RPS20: variants seen among roughly 807,000 people sequenced by gnomAD.
The protein encoded by RPS20 is ribosomal protein S20.
A neutral mutation model predicts 15.3 loss-of-function variants in RPS20; 3 were observed. The ratio of observed to expected loss-of-function variants is 0.20; its 90% CI spans 0.09 to 0.51. The LOEUF is 0.51. Ranked by LOEUF, RPS20 falls within the 20% of genes least tolerant of loss-of-function variation. The probability of loss-of-function intolerance (pLI) is 0.96; values close to 1 mark genes in which losing one functional copy is unlikely to be tolerated. For missense variants in RPS20, 67 were observed against 145.9 expected, an observed-to-expected ratio of 0.46 and a Z score of 2.79; for synonymous variants, 62 against 47.8, an observed-to-expected ratio of 1.30 and a Z score of -1.23.
downstream of RPS20, chr8:56,072,891 T>C (rs1809803723): frequency 1.3e-5 from 17 of 1,324,960 alleles, no homozygotes; most frequent in East Asian, 5.9e-5. Context: ...GTCTCACATA[T>C]TATGTAGTTA....
chr8:56,067,642 C>CT (rs1809648425), exon 6 of RPS20: 1 of 150,604 alleles, frequency 6.6e-6, no homozygotes, highest in Non-Finnish European at 1.5e-5. Context: ...GCCGAGATCG[C>CT]GCCACTGCAC....
chr8:56,068,805 A>ATTTTTTTTTTTTTTT (rs1320901753), downstream of RPS20, among the ~76,000 whole-genome samples: 1 of 41,530 alleles, frequency 2.4e-5, no homozygotes, highest in Non-Finnish European at 5.1e-5. Flanking sequence ...TGGTGAAAAT[A>ATTTTTTTTTTTTTTT]TCTTTTTTTT....
In RPS20 at chr8:56,073,786, C is replaced by CCTCTCA; in HGVS notation, c.104-24_104-19dup. ...AGCACACACTACAGGAAATAAAAGA[C>CCTCTCA]CTCTCAGTATAATCGAAACAATTAA... is the stretch of plus-strand genomic sequence containing the variant. On this transcript the variant is annotated intron_variant, in intron 2 of 3. Coordinates refer to ENST00000009589, the MANE Select transcript of RPS20 (RefSeq NM_001023.4). The CCTCTCA allele has an allele frequency of 6.2e-7, 1 of 1,609,874 alleles. No individual in the cohort carries two copies. Among genetic ancestry groups the CCTCTCA allele is most frequent in the South Asian group, 1.1e-5 (1 of 91,000 alleles).
Position 56,074,486 on chromosome 8 carries a change from G to A in RPS20, c.-103C>T, listed in dbSNP as rs147031407. The A allele has an allele frequency of 3.0e-4, 383 of 1,292,160 alleles. 3 individuals carry two copies. The East Asian group carries it at 9.3e-3, about 31-fold the overall frequency. 80.0% of individuals were successfully genotyped at this position (1,292,160 alleles called of 1,614,324 possible). On this transcript the variant is annotated 5_prime_UTR_variant, in exon 1 of 4. Transcript: ENST00000009589. ...CGGACCAAAAATCCTCAGCCCTTAC[G>A]ACCGCGTCTTCCTCAAAAAGAAAGG...
At chr8:56,070,394 T>A (rs556538993), downstream of RPS20, among the ~76,000 whole-genome samples, 1 of 152,226 alleles carries the variant, frequency 6.6e-6, no homozygotes, top group Admixed American at 6.5e-5. Context: ...CTGTTCATTT[T>A]ACATCCACAG....
chr8:56,073,034 T>C, downstream of RPS20: 3 of 1,571,194 alleles, frequency 1.9e-6, no homozygotes, highest in Non-Finnish European at 2.6e-6. Flanking sequence ...GCCAGTATTC[T>C]GAATAAAAAC....
rs1809837635 is a variant in RPS20, at chr8:56,073,746, G to A, written c.126C>T (p.Gly42=). 1 of 1,613,846 alleles carries A rather than the reference G, an allele frequency of 6.2e-7. No individual in the cohort carries two copies. The highest frequency in any genetic ancestry group is 8.5e-7 in the Non-Finnish European group (1 of 1,179,876). ...LEKVCADLIR[G]AKEKNLKVKG... The stretch of plus-strand genomic sequence containing the variant: ...TCACTTTGAGATTCTTTTCTTTTGC[G>A]CCTCTTATCAAGTCAGCACACACTA... The change falls in exon 3 of 4, where the codon GGC becomes GGT. Residue 42 remains glycine (G), a synonymous_variant. Coordinates refer to ENST00000009589, the MANE Select transcript of RPS20 (RefSeq NM_001023.4).
downstream of RPS20, among the ~76,000 whole-genome samples, chr8:56,071,874 T>C (rs1809769754): frequency 6.6e-6 from 1 of 152,232 alleles, no homozygotes; most frequent in African/African-American, 2.4e-5. Context: ...TTTGTAGATG[T>C]TCCATTTTTC....
intron 1 of RPS20, 31 bp downstream of exon 1, chr8:56,074,350 T>C: frequency 6.5e-7 from 1 of 1,549,980 alleles, no homozygotes. Flanking sequence ...GAGCCCTGCG[T>C]TGCGCCGCCC....
At chr8:56,069,928 A>T (rs931528171), downstream of RPS20, 12 of 709,714 alleles carry the variant, frequency 1.7e-5, no homozygotes, top group Admixed American at 1.2e-4. Flanking sequence ...CAGCATAACT[A>T]CTTACATACC....
downstream of RPS20, chr8:56,069,980 A>C (rs1809707810): frequency 1.6e-6 from 1 of 642,720 alleles, no homozygotes; most frequent in Non-Finnish European, 2.8e-6. Flanking sequence ...TAGAGATGAC[A>C]AATTATACAG....
downstream of RPS20, chr8:56,072,865 C>T: frequency 8.0e-7 from 1 of 1,248,164 alleles, no homozygotes. Flanking sequence ...TGCCAGTGTC[C>T]AATAAAACCA....
downstream of RPS20, among the ~76,000 whole-genome samples, chr8:56,069,383 C>T (rs779614540): frequency 2.0e-5 from 3 of 152,058 alleles, no homozygotes; most frequent in Non-Finnish European, 4.4e-5. Flanking sequence ...CCTGCAACCT[C>T]TGCCTCCCAG....
chr8:56,073,047 A>G (rs1202722419), downstream of RPS20: 1 of 1,579,566 alleles, frequency 6.3e-7, no homozygotes, highest in South Asian at 1.1e-5. Context: ...ATAAAAACCA[A>G]CAGAAGTTAA....
At position 56,073,286 on chromosome 8, in the gene RPS20, CAAAG is replaced by C; in HGVS notation, c.178-18_178-15del. The C allele has an allele frequency of 6.6e-7, 1 of 1,509,142 alleles. No individual in the cohort carries two copies. Among genetic ancestry groups the C allele is most frequent in the African/African-American group, 1.4e-5 (1 of 73,284 alleles). 93.5% of individuals were successfully genotyped at this position (1,509,142 alleles called of 1,614,324 possible). On this transcript the variant is annotated splice_polypyrimidine_tract_variant and intron_variant, in intron 3 of 3. Coordinates refer to ENST00000009589, the MANE Select transcript of RPS20 (RefSeq NM_001023.4). ...GATTCTCAAAGTCTGTAACAAAAGA[CAAAG>C]GAAACCAAGTGTTTATCGTTTTATA...
Position 56,074,406 on chromosome 8 carries a change from G to T in RPS20, c.-23C>A. 6.4e-7 allele frequency: 1 copy of T among 1,556,708 alleles called. No homozygotes were observed. Among genetic ancestry groups the T allele is most frequent in the South Asian group, 1.2e-5 (1 of 86,546 alleles). On this transcript the variant is annotated 5_prime_UTR_variant, in exon 1 of 4. Transcript: ENST00000009589. ...CATGGCTGTTGCGCGCGGGCTTCCT[G>T]ACCGACTTGTTCCTCGGCGAGAGCG...
Position 56,074,428 on chromosome 8 carries a change from A to G in RPS20, c.-45T>C. 6.5e-7 allele frequency: 1 copy of G among 1,547,438 alleles called. No individual in the cohort carries two copies. Among genetic ancestry groups the G allele is most frequent in the Non-Finnish European group, 8.7e-7 (1 of 1,152,384 alleles). On this transcript the variant is annotated 5_prime_UTR_variant, in exon 1 of 4. Coordinates refer to ENST00000009589, the MANE Select transcript of RPS20 (RefSeq NM_001023.4). ...CCTGACCGACTTGTTCCTCGGCGAG[A>G]GCGAACAGCGGTGAGTCAGGAGCAG...
At chr8:56,069,610 T>C, downstream of RPS20, 1 of 920,812 alleles carries the variant, frequency 1.1e-6, no homozygotes, top group South Asian at 1.5e-5. Context: ...TAGTTCCTCT[T>C]ACTTTCAAAA....
At chr8:56,070,874 T>C (rs1025869534), downstream of RPS20, among the ~76,000 whole-genome samples, 4 of 152,196 alleles carry the variant, frequency 2.6e-5, no homozygotes, top group East Asian at 3.9e-4. Context: ...TGCAGAGATA[T>C]CCTATTTTCA....
Sources: gnomAD v4.1 joint callset for allele counts (sites outside exome capture counted in the v4.1 genomes callset) on GRCh38, gnomAD v4.1.1 for gene constraint, MANE v1.5 for transcripts, NCBI Gene and HGNC (gene_info 2026-07-23, HGNC 2026-07-21) for gene names.